The following DHRSX variants were observed in gnomAD, a reference collection of about 807,000 sequenced individuals.
DHRSX encodes dehydrogenase/reductase X-linked.
DHRSX carries 31 observed loss-of-function variants against 34.0 expected under a neutral mutation model. The observed-to-expected ratio is 0.91, with a 90% CI of 0.69 to 1.23. The LOEUF (loss-of-function observed/expected upper bound fraction) is 1.23, where lower values mean the gene tolerates loss of function less well. Ranked by LOEUF, DHRSX falls within the 50% of genes most tolerant of loss-of-function variation. The pLI, the probability that DHRSX is intolerant of heterozygous loss-of-function variation, is 0.00. For synonymous variants in DHRSX, 201 were observed against 183.8 expected (o/e 1.09, Z -0.76); for missense variants, 414 against 428.1 (o/e 0.97, Z 0.29).
At chrX:2,396,375 C>CTTTTCTTTTT (rs2043409385) in intron 3 of DHRSX, among the ~76,000 whole-genome samples, 1 of 99,224 alleles carries the variant, frequency 1.0e-5, no homozygotes, top group Non-Finnish European at 1.9e-5. Context: ...CTTTCTTTTT[C>CTTTTCTTTTT]TTTTTTTTTT....
chrX:2,491,040 AG>A (rs1355842156), intron 1 of DHRSX, among the ~76,000 whole-genome samples: 3 of 148,262 alleles, frequency 2.0e-5, no homozygotes, highest in African/African-American at 7.4e-5. Context: ...GCATTTTTGC[AG>A]GGCTGTACCT....
At chrX:2,263,694 A>T (rs74965092) in intron 5 of DHRSX, among the ~76,000 whole-genome samples, 1 of 151,470 alleles carries the variant, frequency 6.6e-6, no homozygotes, top group African/African-American at 2.4e-5. Context: ...TGTATTTTTA[A>T]TAGAGATGGG....
intron 3 of DHRSX, among the ~76,000 whole-genome samples, chrX:2,310,879 G>A (rs1312514004): frequency 6.6e-6 from 1 of 151,890 alleles, no homozygotes; most frequent in Non-Finnish European, 1.5e-5. Flanking sequence ...TGGCCAACAT[G>A]GTGAAACCCC....
At chrX:2,488,781 G>A in intron 1 of DHRSX, 1 of 1,613,936 alleles carries the variant, frequency 6.2e-7, no homozygotes, top group Non-Finnish European at 8.5e-7. Context: ...TTCTCATACA[G>A]AAACACCTGC....
At chrX:2,289,413 C>T (rs895189215) in intron 4 of DHRSX, among the ~76,000 whole-genome samples, 1 of 152,124 alleles carries the variant, frequency 6.6e-6, no homozygotes, top group African/African-American at 2.4e-5. Context: ...CCACCGCGCC[C>T]GGCCTGAGAT....
chrX:2,367,687 T>C (rs1439630223), intron 3 of DHRSX, among the ~76,000 whole-genome samples: 7 of 152,030 alleles, frequency 4.6e-5, no homozygotes, highest in African/African-American at 1.7e-4. Context: ...AGCACAATAG[T>C]CTCTGAAATG....
At chrX:2,345,938 T>A (rs1287571899) in intron 3 of DHRSX, among the ~76,000 whole-genome samples, 3 of 152,194 alleles carry the variant, frequency 2.0e-5, no homozygotes, top group Non-Finnish European at 4.4e-5. Flanking sequence ...GTGCTTTCTA[T>A]CAGTACACAC....
intron 3 of DHRSX, among the ~76,000 whole-genome samples, chrX:2,382,596 A>T (rs1252204578): frequency 1.3e-5 from 2 of 150,464 alleles, no homozygotes; most frequent in Non-Finnish European, 3.0e-5. Flanking sequence ...CATCATCACC[A>T]TCATCACCAT....
chrX:2,412,477 A>G (rs2043643915), intron 2 of DHRSX, among the ~76,000 whole-genome samples: 1 of 151,478 alleles, frequency 6.6e-6, no homozygotes, highest in Non-Finnish European at 1.5e-5. Context: ...TTGACCAGAA[A>G]GGTTGGATTT....
chrX:2,421,859 T>C (rs182972622), intron 2 of DHRSX, among the ~76,000 whole-genome samples: 1 of 152,202 alleles, frequency 6.6e-6, no homozygotes, highest in Non-Finnish European at 1.5e-5. Context: ...ATAGATGTAA[T>C]GCATACAATG....
intron 5 of DHRSX, among the ~76,000 whole-genome samples, chrX:2,255,653 G>GTA (rs1354402050): frequency 6.6e-6 from 1 of 152,042 alleles, no homozygotes; most frequent in Non-Finnish European, 1.5e-5. Flanking sequence ...GGTCACACCT[G>GTA]TAATCCCAGC....
intron 1 of DHRSX, among the ~76,000 whole-genome samples, chrX:2,492,192 T>C (rs2045168615): frequency 6.6e-6 from 1 of 152,014 alleles, no homozygotes; most frequent in Non-Finnish European, 1.5e-5. Flanking sequence ...GGAAAAAGGG[T>C]CTTTGCAGAT....
chrX:2,243,802 T>TTTTTG (rs2016210279), intron 5 of DHRSX, among the ~76,000 whole-genome samples: 2 of 99,940 alleles, frequency 2.0e-5, no homozygotes, highest in African/African-American at 3.7e-5. Flanking sequence ...TTTTTTTTTT[T>TTTTTG]TTTTTTTTTT....
chrX:2,438,582 C>T (rs1336585612), intron 1 of DHRSX, among the ~76,000 whole-genome samples: 1 of 151,234 alleles, frequency 6.6e-6, no homozygotes, highest in African/African-American at 2.4e-5. Flanking sequence ...GCAGGAGAAT[C>T]GCTTGAACCC....
chrX:2,451,965 G>T (rs1163446608), intron 1 of DHRSX, among the ~76,000 whole-genome samples: 1 of 151,766 alleles, frequency 6.6e-6, no homozygotes, highest in Non-Finnish European at 1.5e-5. Context: ...CATTCCCTAA[G>T]TATGTGGCTA....
chrX:2,243,802 T>TGTTTTGTTTTG lies in DHRSX; in HGVS notation c.597-573_597-572insCAAAACAAAAC, dbSNP rs1260215028. Among the ~76,000 whole-genome samples, 24 of 99,962 alleles carry TGTTTTGTTTTG rather than the reference T, an allele frequency of 2.4e-4. 1 individual carries two copies. Among genetic ancestry groups the TGTTTTGTTTTG allele is most frequent in the African/African-American group, 8.9e-4 (24 of 27,062 alleles). The allele number at this position is 99,962 out of a possible 152,430, so 65.6% of individuals were successfully genotyped here. A position where few individuals can be genotyped will look rare whatever the true frequency, so the allele number is the denominator to read the frequency against. ...CTATGCTCCCTGTTTTTTTTTTTTTTTTTTTTTTTTTTTTTTTTTTGAGAC... is the reference window on the plus strand; with the variant it reads ...CTATGCTCCCTGTTTTTTTTTTTTTTGTTTTGTTTTGTTTTTTTTTTTTTTTTTTTTGAGAC... On this transcript the variant is annotated intron_variant, in intron 5 of 6. Transcript: ENST00000334651.
chrX:2,394,131 G>A (rs1312493196), intron 3 of DHRSX, among the ~76,000 whole-genome samples: 2 of 152,204 alleles, frequency 1.3e-5, no homozygotes, highest in East Asian at 3.8e-4. Context: ...TTGTGTCCGG[G>A]CTCACTGTCC....
intron 4 of DHRSX, among the ~76,000 whole-genome samples, chrX:2,271,655 T>C (rs769134281): frequency 6.6e-6 from 1 of 152,222 alleles, no homozygotes; most frequent in East Asian, 1.9e-4. Flanking sequence ...ACAAGACACA[T>C]GTGTATTAAA....
chrX:2,413,016 A>G (rs1336665468), intron 2 of DHRSX, among the ~76,000 whole-genome samples: 1 of 152,114 alleles, frequency 6.6e-6, no homozygotes, highest in Non-Finnish European at 1.5e-5. Context: ...CCAACCTGGC[A>G]AAAGCCTGTC....
Sources: gnomAD v4.1 joint callset for allele counts (sites outside exome capture counted in the v4.1 genomes callset) on GRCh38, gnomAD v4.1.1 for gene constraint, MANE v1.5 for transcripts, NCBI Gene and HGNC (gene_info 2026-07-23, HGNC 2026-07-21) for gene names.